The following ULK4 variants were observed in gnomAD, a reference collection of about 807,000 sequenced individuals.
ULK4 encodes the protein unc-51 like kinase 4, also known as inactive serine/threonine-protein kinase ULK4.
In ULK4, 133 loss-of-function variants were observed where a neutral mutation model predicts 160.6. The observed-to-expected ratio is 0.83, with a 90% confidence interval of 0.72 to 0.96. The LOEUF is 0.96. Ranked by LOEUF, ULK4 falls within the 40% of genes least tolerant of loss-of-function variation. The pLI is 0.00. For synonymous variants in ULK4, 534 were observed against 539.8 expected (o/e 0.99, Z 0.15); for missense variants, 1,580 against 1,499.5 (o/e 1.05, Z -0.89).
chr3:41,469,781 A>C (rs925247904), intron 32 of ULK4, among the ~76,000 whole-genome samples: 2 of 151,222 alleles, frequency 1.3e-5, no homozygotes, highest in Non-Finnish European at 2.9e-5. Flanking sequence ...CAAATTTTAT[A>C]AACAGAAATA....
intron 21 of ULK4, among the ~76,000 whole-genome samples, chr3:41,785,287 T>C (rs1051946975): frequency 2.6e-5 from 4 of 152,182 alleles, no homozygotes; most frequent in African/African-American, 9.7e-5. Context: ...TTTAATGACA[T>C]AGTAAAATAC....
In ULK4 at chr3:41,932,019, A is replaced by G; in HGVS notation, c.379-13T>C. ...CTTCCAAGAGTATCTATGAAGATCA[A>G]ATAAATGTTTTCAGAAAAAAAATCA... On this transcript the variant is annotated splice_polypyrimidine_tract_variant and intron_variant, in intron 4 of 36. Coordinates refer to ENST00000301831, the MANE Select transcript of ULK4 (RefSeq NM_017886.4). The G allele has an allele frequency of 1.2e-6, 2 of 1,604,744 alleles. No individual in the cohort carries two copies. The highest frequency in any genetic ancestry group is 2.2e-5 in the South Asian group (2 of 89,946).
intron 25 of ULK4, among the ~76,000 whole-genome samples, chr3:41,706,374 T>TAATATATATA (rs1559498247): frequency 1.4e-5 from 2 of 145,764 alleles, no homozygotes; most frequent in Non-Finnish European, 3.0e-5. Flanking sequence ...TATATATATT[T>TAATATATATA]AATATATATA....
intron 17 of ULK4, among the ~76,000 whole-genome samples, chr3:41,848,615 T>C (rs2042127260): frequency 6.6e-6 from 1 of 152,202 alleles, no homozygotes; most frequent in Non-Finnish European, 1.5e-5. Context: ...AGCAAGGCTC[T>C]TGCTCAGGAA....
Position 41,620,824 on chromosome 3 carries a change from T to C in ULK4, c.3072-5107A>G, listed in dbSNP as rs558269768. Reference sequence around the variant, plus strand: ...TCAAATAGGAAGAGAGGAAGTCAAATTGTCTCTGTTTGCAGATGACATTTT... The same window carrying C: ...TCAAATAGGAAGAGAGGAAGTCAAACTGTCTCTGTTTGCAGATGACATTTT... On this transcript the variant is annotated intron_variant, in intron 30 of 36. Coordinates refer to ENST00000301831, the MANE Select transcript of ULK4 (RefSeq NM_017886.4). 1.6e-4 allele frequency among the ~76,000 whole-genome samples: 24 copies of C among 152,282 alleles called. No homozygotes were observed. In the East Asian group the frequency reaches 2.5e-3, roughly 16 times the overall value.
At chr3:41,603,001 T>C (rs2032192607) in intron 31 of ULK4, among the ~76,000 whole-genome samples, 1 of 151,856 alleles carries the variant, frequency 6.6e-6, no homozygotes, top group Non-Finnish European at 1.5e-5. Context: ...TCAGATTAAA[T>C]ATAAAAGGTC....
At chr3:41,939,913 G>T (rs1699897565) in intron 2 of ULK4, among the ~76,000 whole-genome samples, 1 of 152,146 alleles carries the variant, frequency 6.6e-6, no homozygotes, top group African/African-American at 2.4e-5. Context: ...AATGCCTGAT[G>T]ATCTGAGGTG....
chr3:41,889,422 G>T (rs1697836394), intron 16 of ULK4, among the ~76,000 whole-genome samples: 1 of 152,136 alleles, frequency 6.6e-6, no homozygotes, highest in African/African-American at 2.4e-5. Flanking sequence ...ATAATAAAAT[G>T]AGTGGGGATA....
At chr3:41,887,283 T>C (rs1474846789) in intron 16 of ULK4, among the ~76,000 whole-genome samples, 3 of 152,208 alleles carry the variant, frequency 2.0e-5, no homozygotes, top group African/African-American at 7.2e-5. Flanking sequence ...CAGGAGATAA[T>C]CCACATGCAG....
chr3:41,794,966 C>CA (rs2125598094), intron 20 of ULK4, among the ~76,000 whole-genome samples: 1 of 152,172 alleles, frequency 6.6e-6, no homozygotes, highest in South Asian at 2.1e-4. Context: ...AGGAGTGTTA[C>CA]AAGATGGAAC....
chr3:41,758,742 G>A (rs1261761497), intron 21 of ULK4, among the ~76,000 whole-genome samples: 8 of 151,998 alleles, frequency 5.3e-5, no homozygotes, highest in Non-Finnish European at 1.2e-4. Flanking sequence ...GCGCAGTGGC[G>A]GGTGCCTGTA....
chr3:41,539,035 GTTTTT>G (rs11425607), intron 32 of ULK4, among the ~76,000 whole-genome samples: 1 of 139,922 alleles, frequency 7.1e-6, no homozygotes, highest in East Asian at 2.1e-4. Flanking sequence ...CTTTTTCTTA[GTTTTT>G]TTTTTTTTTT....
At chr3:41,741,585 TAA>T (rs1268031862) in intron 22 of ULK4, among the ~76,000 whole-genome samples, 7 of 152,010 alleles carry the variant, frequency 4.6e-5, no homozygotes, top group Admixed American at 2.6e-4. Context: ...TTCTAGTGGC[TAA>T]ATCAGATGCA....
intron 31 of ULK4, among the ~76,000 whole-genome samples, chr3:41,588,228 TCTGA>T (rs1468014664): frequency 2.0e-5 from 3 of 152,192 alleles, no homozygotes; most frequent in Non-Finnish European, 4.4e-5. Flanking sequence ...ACATAGATTA[TCTGA>T]CTGACAGTAC....
rs868084542 is a variant in ULK4, at chr3:41,344,331, G to C, written c.3678+53748C>G. On this transcript the variant is annotated intron_variant, in intron 35 of 36. Transcript: ENST00000301831. Reference sequence around the variant, plus strand: ...ACACCATATACAAAAATTAACTCAAGATGGATTAAAGACTTAAATATAAAA... The same window carrying C: ...ACACCATATACAAAAATTAACTCAACATGGATTAAAGACTTAAATATAAAA... Among the ~76,000 whole-genome samples, 16 of 152,208 alleles carry C rather than the reference G, an allele frequency of 1.1e-4. No individual in the cohort carries two copies. The Middle Eastern group carries it at 0.014, about 129-fold the overall frequency.
intron 29 of ULK4, among the ~76,000 whole-genome samples, chr3:41,670,692 T>G (rs990574729): frequency 2.0e-5 from 3 of 152,066 alleles, no homozygotes; most frequent in Non-Finnish European, 4.4e-5. Context: ...TAAATATAAT[T>G]GCACATAGTA....
At chr3:41,858,275 C>CCA (rs1025577315) in intron 17 of ULK4, among the ~76,000 whole-genome samples, 5 of 150,898 alleles carry the variant, frequency 3.3e-5, no homozygotes, top group African/African-American at 1.2e-4. Context: ...CCTCAGCCTC[C>CCA]CAGGTAGCTG....
intron 32 of ULK4, among the ~76,000 whole-genome samples, chr3:41,511,713 C>G (rs1270149040): frequency 6.6e-6 from 1 of 152,120 alleles, no homozygotes; most frequent in Non-Finnish European, 1.5e-5. Context: ...ATCAGACATT[C>G]AGAGAAGAAC....
intron 34 of ULK4, among the ~76,000 whole-genome samples, chr3:41,416,207 C>A (rs1056285515): frequency 6.6e-6 from 1 of 152,012 alleles, no homozygotes; most frequent in Non-Finnish European, 1.5e-5. Flanking sequence ...GGCCCTGGGA[C>A]AAATTTGTCC....
Sources: gnomAD v4.1 joint callset for allele counts (sites outside exome capture counted in the v4.1 genomes callset) on GRCh38, gnomAD v4.1.1 for gene constraint, MANE v1.5 for transcripts, NCBI Gene and HGNC (gene_info 2026-07-23, HGNC 2026-07-21) for gene names.